Variants in INTS4 observed in about 807,000 individuals in gnomAD.
INTS4 encodes MSTP093.
Under a neutral mutation model 119.5 loss-of-function variants are expected in INTS4, and 70 were observed. The ratio of observed to expected loss-of-function variants is 0.59; its 90% CI spans 0.48 to 0.71. The LOEUF (loss-of-function observed/expected upper bound fraction) is 0.71, where lower values mean the gene tolerates loss of function less well. INTS4 is among the 30% of genes least tolerant of loss of function. The pLI, the probability that INTS4 is intolerant of heterozygous loss-of-function variation, is 0.00. For synonymous variants in INTS4, 316 were observed against 419.6 expected (o/e 0.75, Z 3.02); for missense variants, 867 against 1,173.2 (o/e 0.74, Z 3.81).
intron 4 of INTS4, among the ~76,000 whole-genome samples, chr11:77,974,233 C>CTTTTCT (rs576614588): frequency 1.0e-5 from 1 of 98,274 alleles, no homozygotes; most frequent in African/African-American, 4.1e-5. Flanking sequence ...TATAATTTTT[C>CTTTTCT]TTTTCTTTTT....
At chr11:77,949,096 A>G (rs1003231096) in intron 8 of INTS4, among the ~76,000 whole-genome samples, 2 of 152,188 alleles carry the variant, frequency 1.3e-5, no homozygotes, top group African/African-American at 4.8e-5. Context: ...CAGCCTAGGC[A>G]ACAGAGCAAG....
At chr11:77,960,096 T>C (rs1437086238) in intron 6 of INTS4, among the ~76,000 whole-genome samples, 11 of 152,118 alleles carry the variant, frequency 7.2e-5, no homozygotes, top group Admixed American at 7.2e-4. Flanking sequence ...GTACTCTCAT[T>C]CTCATACTGA....
chr11:77,955,851 G>A (rs1954307187), intron 8 of INTS4, 91 bp downstream of exon 8: 12 of 1,291,380 alleles, frequency 9.3e-6, no homozygotes, highest in African/African-American at 1.5e-5. Context: ...CCAAGAGTTT[G>A]AGACCAACCT....
At chr11:77,887,859 C>A (rs978849992) in intron 21 of INTS4, among the ~76,000 whole-genome samples, 19 of 152,324 alleles carry the variant, frequency 1.2e-4, no homozygotes, top group South Asian at 1.0e-3. Flanking sequence ...AGGAATCCAA[C>A]TTACAAGAGA....
At chr11:77,970,486 G>T (rs193294913) in intron 4 of INTS4, among the ~76,000 whole-genome samples, 22 of 152,090 alleles carry the variant, frequency 1.4e-4, no homozygotes, top group Admixed American at 1.3e-3. Context: ...GGGTCCTATG[G>T]TAAGGCTATT....
chr11:77,977,107 A>G (rs2136633159), intron 4 of INTS4, among the ~76,000 whole-genome samples: 1 of 152,206 alleles, frequency 6.6e-6, no homozygotes, highest in East Asian at 1.9e-4. Flanking sequence ...AAAATAAAAT[A>G]AAAATAAAAA....
In INTS4 at chr11:77,979,156, T is replaced by C. The variant is rs141299309; in HGVS notation, c.365-54A>G. 7.8e-4 allele frequency: 753 copies of C among 964,226 alleles called. 5 individuals carry two copies. In the African/African-American group the frequency reaches 0.011, roughly 14 times the overall value. The allele number at this position is 964,226 out of a possible 1,614,324, so 59.7% of individuals were successfully genotyped here. On this transcript the variant is annotated intron_variant, in intron 3 of 22. Transcript: ENST00000534064. The stretch of plus-strand genomic sequence containing the variant: ...TAGAATTTCGAAAGGGGTAACTATA[T>C]AAACTAATTTACTTGGGTAAAGAAT...
rs1398163642 is a variant in INTS4 at position 77,979,057 on chromosome 11, A to G, written c.410T>C (p.Ile137Thr). The G allele has an allele frequency of 3.7e-6, 6 of 1,613,150 alleles. No homozygotes were observed. Among genetic ancestry groups the G allele is most frequent in the Middle Eastern group, 1.6e-4 (1 of 6,084 alleles). ...LAQLLDTLLA[I>T]GTKLPENQAI... ...TTGATTCTCTGGTAGCTTAGTGCCA[A>G]TTGCAAGCAAAGTATCCAGCAGTTG... Residue 137 changes from isoleucine to threonine, a missense_variant, in exon 4 of 23, where the codon ATT becomes ACT. Physicochemically the swap from Ile to Thr is moderately conservative, Grantham distance 89 (BLOSUM62 -1). Coordinates refer to ENST00000534064, the MANE Select transcript of INTS4 (RefSeq NM_033547.4).
chr11:77,985,290 T>C (rs927274012), intron 2 of INTS4, among the ~76,000 whole-genome samples: 1 of 152,182 alleles, frequency 6.6e-6, no homozygotes, highest in African/African-American at 2.4e-5. Flanking sequence ...TAGAATCAGA[T>C]GCCTTCCAAA....
At position 77,940,782 on chromosome 11, in the gene INTS4, G is replaced by A. The variant is rs138798110; in HGVS notation, c.990+398C>T. ...CACCCAAGTAGCTAGGACTACAGGCGCATGCCACCACACCTAGCTAATTTT... is the reference window on the plus strand; with the variant it reads ...CACCCAAGTAGCTAGGACTACAGGCACATGCCACCACACCTAGCTAATTTT... On this transcript the variant is annotated intron_variant, in intron 9 of 22. Transcript: ENST00000534064. Among the ~76,000 whole-genome samples, 694 of 152,102 alleles carry A rather than the reference G, an allele frequency of 4.6e-3. 8 individuals are homozygous for A. Among genetic ancestry groups the A allele is most frequent in the African/African-American group, 0.015 (633 of 41,486 alleles).
intron 21 of INTS4, among the ~76,000 whole-genome samples, chr11:77,887,419 T>C (rs1429309654): frequency 1.3e-5 from 2 of 152,144 alleles, no homozygotes; most frequent in Non-Finnish European, 2.9e-5. Context: ...ATGAGACGTA[T>C]CTCAAAATAA....
chr11:77,924,396 G>A (rs1360966775), intron 12 of INTS4: 12 of 168,824 alleles, frequency 7.1e-5, no homozygotes, highest in African/African-American at 1.7e-4. Flanking sequence ...GCGAGACTCC[G>A]TCTCAAAAAA....
At chr11:77,990,548 T>C (rs1291534245) in intron 2 of INTS4, among the ~76,000 whole-genome samples, 1 of 151,782 alleles carries the variant, frequency 6.6e-6, no homozygotes, top group Non-Finnish European at 1.5e-5. Context: ...TAGCAGGGTG[T>C]GGTGGCACGT....
At chr11:77,979,850 T>C (rs7124008) in intron 3 of INTS4, among the ~76,000 whole-genome samples, 91,210 of 150,836 alleles carry the variant, frequency 0.6, 28,001 homozygotes, top group African/African-American at 0.7. Context: ...TGGTGGCACG[T>C]GCCTGTAATC....
At chr11:77,908,190 GA>G (rs34142326) in intron 15 of INTS4, among the ~76,000 whole-genome samples, 1 of 152,000 alleles carries the variant, frequency 6.6e-6, no homozygotes, top group South Asian at 2.1e-4. Flanking sequence ...ATTCAATGGT[GA>G]AAAAAATATT....
At chr11:77,943,766 G>A (rs1051594387) in intron 8 of INTS4, among the ~76,000 whole-genome samples, 4 of 152,182 alleles carry the variant, frequency 2.6e-5, no homozygotes, top group Non-Finnish European at 5.9e-5. Context: ...CTTATTAAAT[G>A]TATGTGAAAT....
At chr11:77,887,495 C>A (rs995104792) in intron 21 of INTS4, among the ~76,000 whole-genome samples, 1 of 152,078 alleles carries the variant, frequency 6.6e-6, no homozygotes, top group African/African-American at 2.4e-5. Flanking sequence ...GGAAGCATTC[C>A]CTTTGAAAAC....
chr11:77,933,229 GTCTCCC>G (rs1019071280), intron 10 of INTS4, among the ~76,000 whole-genome samples: 3 of 149,016 alleles, frequency 2.0e-5, no homozygotes, highest in Non-Finnish European at 4.4e-5. Flanking sequence ...TCTCCCCACA[GTCTCCC>G]TCTCCCTCTC....
intron 2 of INTS4, among the ~76,000 whole-genome samples, chr11:77,986,847 G>A (rs1856479965): frequency 6.6e-6 from 1 of 151,858 alleles, no homozygotes; most frequent in Non-Finnish European, 1.5e-5. Flanking sequence ...GGGAGTGGGG[G>A]GCTGGGGGAG....
Sources: allele counts gnomAD v4.1 joint callset (sites outside exome capture counted in the v4.1 genomes callset), GRCh38; gene constraint gnomAD v4.1.1; transcripts MANE v1.5; gene names NCBI Gene and HGNC (gene_info 2026-07-23, HGNC 2026-07-21).